The following CACNA1E variants were observed in gnomAD, a reference collection of about 807,000 sequenced individuals.
CACNA1E encodes the protein calcium voltage-gated channel subunit alpha1 E.
A neutral mutation model predicts 259.2 loss-of-function variants in CACNA1E; 40 were observed. The observed-to-expected ratio is 0.15, with a 90% CI of 0.12 to 0.20. The LOEUF (loss-of-function observed/expected upper bound fraction) is 0.20. Ranked by LOEUF, CACNA1E falls within the 10% of genes least tolerant of loss-of-function variation. CACNA1E has a pLI of 1.00. For synonymous variants in CACNA1E, 1,104 were observed against 1,138.5 expected, an observed-to-expected ratio of 0.97 and a Z score of 0.61; for missense variants, 1,874 against 3,040.1, an observed-to-expected ratio of 0.62 and a Z score of 9.02.
rs375243790 is a variant in CACNA1E at position 181,762,521 on chromosome 1, CT to C, written c.4606-43del. 4.2e-3 allele frequency: 3,947 copies of C among 938,378 alleles called. 4 individuals are homozygous for C. Among genetic ancestry groups the C allele is most frequent in the Non-Finnish European group, 5.1e-3 (3,144 of 615,572 alleles). The allele number at this position is 938,378 out of a possible 1,614,324, so 58.1% of individuals were successfully genotyped here. A position where few individuals can be genotyped will look rare whatever the true frequency, so the allele number is the denominator to read the frequency against. On this transcript the variant is annotated intron_variant, in intron 32 of 47. Transcript: ENST00000367573. ...TATATAATGAAAGATGTCTTTTCTC[CT>C]TTTTTTTTTCTTTCCTTTTCTGATG...
intron 1 of CACNA1E, among the ~76,000 whole-genome samples, chr1:181,397,783 T>G (rs1656798085): frequency 6.6e-6 from 1 of 152,174 alleles, no homozygotes; most frequent in Non-Finnish European, 1.5e-5. Flanking sequence ...GCCCTGGGGA[T>G]TCCACATGTA....
chr1:181,338,293 C>G (rs1651873222), intron 1 of CACNA1E, among the ~76,000 whole-genome samples: 1 of 152,264 alleles, frequency 6.6e-6, no homozygotes, highest in African/African-American at 2.4e-5. Flanking sequence ...GCCATGTTGG[C>G]CAGGCTGGTC....
intron 3 of CACNA1E, among the ~76,000 whole-genome samples, chr1:181,570,014 G>A (rs1650248076): frequency 6.6e-6 from 1 of 152,184 alleles, no homozygotes; most frequent in African/African-American, 2.4e-5. Flanking sequence ...CACCATCAGG[G>A]CAGGTGTTGG....
intron 35 of CACNA1E, 111 bp from the exon 36 acceptor site, chr1:181,771,182 A>G: frequency 3.1e-6 from 2 of 640,028 alleles, no homozygotes; most frequent in Non-Finnish European, 5.7e-6. Flanking sequence ...TGTCTGCTTC[A>G]GGGGTAGGTC....
chr1:181,374,771 A>G (rs1654977309), intron 1 of CACNA1E, among the ~76,000 whole-genome samples: 1 of 152,154 alleles, frequency 6.6e-6, no homozygotes, highest in Non-Finnish European at 1.5e-5. Flanking sequence ...ATGGCTGAAA[A>G]ACTGTTTTAA....
chr1:181,610,002 G>A (rs1046474260), intron 6 of CACNA1E, among the ~76,000 whole-genome samples: 1 of 152,160 alleles, frequency 6.6e-6, no homozygotes, highest in Non-Finnish European at 1.5e-5. Flanking sequence ...CCCATGTCTT[G>A]TTATCCAGTT....
chr1:181,539,191 G>A (rs552205852), intron 3 of CACNA1E, among the ~76,000 whole-genome samples: 25 of 152,078 alleles, frequency 1.6e-4, no homozygotes, highest in African/African-American at 4.3e-4. Flanking sequence ...TCTATTTTCC[G>A]TTACTCGTTG....
intron 3 of CACNA1E, among the ~76,000 whole-genome samples, chr1:181,540,520 C>T (rs900307562): frequency 1.3e-5 from 2 of 152,086 alleles, no homozygotes; most frequent in African/African-American, 4.8e-5. Context: ...GTCACCTTGG[C>T]GTACTCAATG....
chr1:181,486,924 A>G (rs1189029068), intron 1 of CACNA1E, among the ~76,000 whole-genome samples: 5 of 152,196 alleles, frequency 3.3e-5, no homozygotes, highest in African/African-American at 1.2e-4. Flanking sequence ...CCCCACTTCA[A>G]TCCTGCTGAA....
At chr1:181,323,955 C>T (rs1439979665) in intron 1 of CACNA1E, among the ~76,000 whole-genome samples, 1 of 152,224 alleles carries the variant, frequency 6.6e-6, no homozygotes, top group Non-Finnish European at 1.5e-5. Context: ...TCCAGAGCAG[C>T]TCCCATGATG....
chr1:181,519,662 G>A (rs1011941180), intron 3 of CACNA1E, among the ~76,000 whole-genome samples: 5 of 152,106 alleles, frequency 3.3e-5, no homozygotes, highest in Non-Finnish European at 7.4e-5. Context: ...GGTGTGGTGA[G>A]CTGGGGCTTG....
intron 3 of CACNA1E, among the ~76,000 whole-genome samples, chr1:181,551,844 C>A (rs986188265): frequency 3.3e-5 from 5 of 152,126 alleles, no homozygotes; most frequent in Admixed American, 1.3e-4. Flanking sequence ...TCTCCTCTCT[C>A]CCTCACTTCT....
chr1:181,389,078 C>G (rs1364205438), intron 1 of CACNA1E, among the ~76,000 whole-genome samples: 2 of 152,102 alleles, frequency 1.3e-5, no homozygotes, highest in African/African-American at 4.8e-5. Context: ...TTAAAGACAT[C>G]TTCTTTAATA....
At chr1:181,451,273 G>A (rs1410751410) in intron 2 of CACNA1E, among the ~76,000 whole-genome samples, 1 of 152,200 alleles carries the variant, frequency 6.6e-6, no homozygotes, top group Non-Finnish European at 1.5e-5. Flanking sequence ...CTCCTGTTCT[G>A]ACTGGTTAGT....
In CACNA1E at chr1:181,549,187, C is replaced by A. The variant is rs970379453; in HGVS notation, c.513-28579C>A. 1.1e-4 allele frequency among the ~76,000 whole-genome samples: 17 copies of A among 152,190 alleles called. No individual in the cohort carries two copies. The East Asian group carries it at 2.5e-3, about 22-fold the overall frequency. ...CAGGATGGGCAGAAAGAGCTCTGGA[C>A]TCTTGGGCTGCTGCTACAACCACCT... On this transcript the variant is annotated intron_variant, in intron 3 of 47. Coordinates refer to ENST00000367573, the MANE Select transcript of CACNA1E (RefSeq NM_001205293.3).
At chr1:181,494,145 T>C (rs542490725) in intron 1 of CACNA1E, among the ~76,000 whole-genome samples, 5 of 152,342 alleles carry the variant, frequency 3.3e-5, no homozygotes, top group African/African-American at 1.2e-4. Flanking sequence ...TGGGCTCTCA[T>C]AGGGCACTTT....
At chr1:181,436,494 A>T (rs1312493765) in intron 2 of CACNA1E, among the ~76,000 whole-genome samples, 2 of 152,254 alleles carry the variant, frequency 1.3e-5, no homozygotes, top group Non-Finnish European at 2.9e-5. Context: ...GGATTAAGAA[A>T]ATATGGTGTG....
At chr1:181,555,991 A>G (rs2102862891) in intron 3 of CACNA1E, among the ~76,000 whole-genome samples, 1 of 152,336 alleles carries the variant, frequency 6.6e-6, no homozygotes, top group South Asian at 2.1e-4. Context: ...TGACGAAAAC[A>G]TGGGCCTAGA....
At chr1:181,400,360 C>T (rs1019709321) in intron 1 of CACNA1E, among the ~76,000 whole-genome samples, 5 of 152,208 alleles carry the variant, frequency 3.3e-5, no homozygotes, top group Admixed American at 1.3e-4. Flanking sequence ...CCTGCTACCC[C>T]TCCTTTCCTG....
Sources: allele counts gnomAD v4.1 joint callset (sites outside exome capture counted in the v4.1 genomes callset), GRCh38; gene constraint gnomAD v4.1.1; transcripts MANE v1.5; gene names NCBI Gene and HGNC (gene_info 2026-07-23, HGNC 2026-07-21).